ATXN1: variants seen among roughly 807,000 people sequenced by gnomAD.
ATXN1 encodes the protein ataxin 1.
In ATXN1, 8 loss-of-function variants were observed where a neutral mutation model predicts 56.4. The observed-to-expected ratio is 0.14, with a 90% CI of 0.08 to 0.26. The LOEUF (loss-of-function observed/expected upper bound fraction) is 0.26, where lower values mean the gene tolerates loss of function less well. Among genes scored for constraint, ATXN1 ranks in the 10% least tolerant of loss-of-function variants. ATXN1 has a pLI of 1.00. For synonymous variants in ATXN1, 514 were observed against 494.6 expected (o/e 1.04, Z -0.52); for missense variants, 987 against 1,106.5 (o/e 0.89, Z 1.53).
In ATXN1 at chr6:16,569,355, C is replaced by T. The variant is rs1762288837; in HGVS notation, c.-361+16425G>A. 3.9e-5 allele frequency among the ~76,000 whole-genome samples: 6 copies of T among 151,918 alleles called. No individual in the cohort carries two copies. The South Asian group carries it at 1.2e-3, about 31-fold the overall frequency. On this transcript the variant is annotated intron_variant, in intron 4 of 7. Transcript: ENST00000436367. ...CCAACATGGTGAAACCTCGTCTCTGCTAAAAATAAAAAATAAAAAATTTAG... is the reference window on the plus strand; with the variant it reads ...CCAACATGGTGAAACCTCGTCTCTGTTAAAAATAAAAAATAAAAAATTTAG...
At chr6:16,556,283 T>C (rs1762012416) in intron 4 of ATXN1, among the ~76,000 whole-genome samples, 1 of 152,180 alleles carries the variant, frequency 6.6e-6, no homozygotes, top group Non-Finnish European at 1.5e-5. Flanking sequence ...CTGAGGAAAA[T>C]GAGGTATACT....
chr6:16,480,019 A>G (rs191645140), intron 6 of ATXN1, among the ~76,000 whole-genome samples: 92 of 151,982 alleles, frequency 6.1e-4, no homozygotes, highest in Non-Finnish European at 1.1e-3. Flanking sequence ...GGGCATTGTG[A>G]GGCACACCTG....
At chr6:16,492,907 T>C (rs1760697839) in intron 5 of ATXN1, among the ~76,000 whole-genome samples, 1 of 152,166 alleles carries the variant, frequency 6.6e-6, no homozygotes, top group Non-Finnish European at 1.5e-5. Flanking sequence ...CAAACCCAGC[T>C]CCTCCTCTTT....
intron 2 of ATXN1, among the ~76,000 whole-genome samples, chr6:16,677,280 G>A (rs1158616447): frequency 6.6e-6 from 1 of 152,188 alleles, no homozygotes; most frequent in African/African-American, 2.4e-5. Flanking sequence ...TGCTCTGGGA[G>A]AGGGGAGTCT....
chr6:16,669,064 C>T (rs1415424633), intron 2 of ATXN1, among the ~76,000 whole-genome samples: 1 of 152,086 alleles, frequency 6.6e-6, no homozygotes, highest in African/African-American at 2.4e-5. Flanking sequence ...AACAATCCTC[C>T]CATAGTATGT....
chr6:16,534,692 C>T (rs1877768), intron 4 of ATXN1, among the ~76,000 whole-genome samples: 5,621 of 152,226 alleles, frequency 0.037, 132 homozygotes, highest in Middle Eastern at 0.078. Context: ...AACCCTACTT[C>T]CTACCTAAAA....
chr6:16,359,470 G>A (rs968370933), intron 6 of ATXN1, among the ~76,000 whole-genome samples: 2 of 152,098 alleles, frequency 1.3e-5, no homozygotes, highest in Admixed American at 6.5e-5. Context: ...CCTCTCTGCT[G>A]ATAGCTGGAG....
At chr6:16,498,661 CT>C (rs1214271582) in intron 5 of ATXN1, among the ~76,000 whole-genome samples, 1 of 152,110 alleles carries the variant, frequency 6.6e-6, no homozygotes, top group Admixed American at 6.6e-5. Context: ...TGTTATTTTC[CT>C]TTTTTAAAAA....
chr6:16,413,182 A>C (rs550228871), intron 6 of ATXN1, among the ~76,000 whole-genome samples: 3 of 152,228 alleles, frequency 2.0e-5, no homozygotes, highest in African/African-American at 7.2e-5. Context: ...ACAAAGTAGA[A>C]ATGATGACTC....
chr6:16,577,253 G>T (rs1257170400), intron 4 of ATXN1, among the ~76,000 whole-genome samples: 2 of 152,140 alleles, frequency 1.3e-5, no homozygotes, highest in African/African-American at 4.8e-5. Context: ...GCCGGGCACG[G>T]TGGCTCATGC....
At chr6:16,352,627 T>G (rs1191559533) in intron 6 of ATXN1, among the ~76,000 whole-genome samples, 1 of 152,092 alleles carries the variant, frequency 6.6e-6, no homozygotes, top group African/African-American at 2.4e-5. Flanking sequence ...GGGCTCCCTT[T>G]GTGGCTCAAA....
At chr6:16,560,703 G>A (rs1314120921) in intron 4 of ATXN1, among the ~76,000 whole-genome samples, 1 of 152,040 alleles carries the variant, frequency 6.6e-6, no homozygotes, top group Non-Finnish European at 1.5e-5. Context: ...CAAATCCCTG[G>A]GTTTTTCACC....
chr6:16,752,697 T>C (rs1001080538), intron 2 of ATXN1, among the ~76,000 whole-genome samples: 4 of 152,162 alleles, frequency 2.6e-5, no homozygotes, highest in African/African-American at 4.8e-5. Context: ...GTCATCACCA[T>C]TGCATACACC....
At chr6:16,442,097 A>C (rs1759528959) in intron 6 of ATXN1, among the ~76,000 whole-genome samples, 1 of 152,240 alleles carries the variant, frequency 6.6e-6, no homozygotes, top group Admixed American at 6.5e-5. Context: ...AAAATGACTG[A>C]GTTACCTATA....
At chr6:16,426,150 C>T (rs1759148865) in intron 6 of ATXN1, among the ~76,000 whole-genome samples, 1 of 152,106 alleles carries the variant, frequency 6.6e-6, no homozygotes, top group Admixed American at 6.5e-5. Flanking sequence ...ATCTGCAAAC[C>T]TTTTGAGGAC....
At chr6:16,609,670 G>A (rs915733340) in intron 3 of ATXN1, among the ~76,000 whole-genome samples, 1 of 152,186 alleles carries the variant, frequency 6.6e-6, no homozygotes, top group Non-Finnish European at 1.5e-5. Flanking sequence ...TCCAGGGCGG[G>A]CTAGCCCTCC....
At chr6:16,639,361 GAAGGAACCAACTCCAGACACAGGC>G (rs1763662653) in intron 3 of ATXN1, among the ~76,000 whole-genome samples, 1 of 152,132 alleles carries the variant, frequency 6.6e-6, no homozygotes, top group South Asian at 2.1e-4. Context: ...AAACCTATCG[GAAGGAACCAACTCCAGACACAGGC>G]TCACCGCAAC....
intron 5 of ATXN1, among the ~76,000 whole-genome samples, chr6:16,508,014 A>G (rs1319387048): frequency 2.0e-5 from 3 of 152,222 alleles, no homozygotes; most frequent in Non-Finnish European, 4.4e-5. Context: ...ATGGTCCCCA[A>G]TGTAGGATGC....
At chr6:16,398,464 A>G (rs1291935344) in intron 6 of ATXN1, among the ~76,000 whole-genome samples, 5 of 152,216 alleles carry the variant, frequency 3.3e-5, no homozygotes, top group Non-Finnish European at 7.3e-5. Context: ...ATATATGTAT[A>G]TGTGTATAGA....
Sources: allele counts gnomAD v4.1 joint callset (sites outside exome capture counted in the v4.1 genomes callset), GRCh38; gene constraint gnomAD v4.1.1; transcripts MANE v1.5; gene names NCBI Gene and HGNC (gene_info 2026-07-23, HGNC 2026-07-21).